PVT1: variants seen among roughly 807,000 people sequenced by gnomAD.
PVT1 encodes CXCR4/PVT1 fusion.
At chr8:127,865,056 C>G (rs1286082302) in intron 2 of PVT1, among the ~76,000 whole-genome samples, 1 of 152,210 alleles carries the variant, frequency 6.6e-6, no homozygotes, top group East Asian at 1.9e-4. Flanking sequence ...CACCAGTGTT[C>G]CAATCCCACA....
chr8:128,060,155 C>G (rs1195148073), intron 4 of PVT1, among the ~76,000 whole-genome samples: 1 of 152,236 alleles, frequency 6.6e-6, no homozygotes, highest in East Asian at 1.9e-4. Flanking sequence ...GCTGGGGAGG[C>G]TGAGGCAGGA....
intron 3 of PVT1, among the ~76,000 whole-genome samples, chr8:127,940,893 T>C (rs1816341745): frequency 6.6e-6 from 1 of 152,240 alleles, no homozygotes; most frequent in Admixed American, 6.5e-5. Flanking sequence ...TGAGCCACTA[T>C]GTCCGGCTCA....
At chr8:128,034,894 G>C (rs534118412) in intron 4 of PVT1, among the ~76,000 whole-genome samples, 6 of 152,308 alleles carry the variant, frequency 3.9e-5, no homozygotes, top group African/African-American at 1.2e-4. Flanking sequence ...CTTTGCCACA[G>C]TTTCCCCATC....
intron 3 of PVT1, among the ~76,000 whole-genome samples, chr8:127,957,350 C>T (rs1205062929): frequency 5.3e-5 from 8 of 152,044 alleles, no homozygotes; most frequent in Non-Finnish European, 1.0e-4. Context: ...GGGCAGATCA[C>T]GAGGTCAAGA....
chr8:128,095,706 T>A (rs895835154), intron 5 of PVT1, among the ~76,000 whole-genome samples: 2 of 152,238 alleles, frequency 1.3e-5, no homozygotes, highest in Admixed American at 6.5e-5. Flanking sequence ...ACTTTGTGGT[T>A]TCTGCTCTGA....
chr8:128,036,241 T>C (rs547765502), intron 4 of PVT1, among the ~76,000 whole-genome samples: 2 of 152,336 alleles, frequency 1.3e-5, no homozygotes, highest in South Asian at 4.1e-4. Flanking sequence ...TGATGTAACA[T>C]CATGATGTAA....
intron 2 of PVT1, among the ~76,000 whole-genome samples, chr8:127,873,543 G>A (rs996787813): frequency 1.2e-4 from 18 of 152,140 alleles, no homozygotes; most frequent in African/African-American, 4.3e-4. Flanking sequence ...GAGGGACCCG[G>A]CGTGCAATTT....
chr8:127,892,716 G>T (rs113218599), intron 3 of PVT1, among the ~76,000 whole-genome samples: 5 of 152,256 alleles, frequency 3.3e-5, no homozygotes, highest in African/African-American at 1.2e-4. Context: ...GCTGCAGCAG[G>T]TGCTGGGCTG....
rs137951270 is a variant in PVT1 at position 127,964,992 on chromosome 8, C to T, written n.783-24170C>T. 1.4e-4 allele frequency among the ~76,000 whole-genome samples: 21 copies of T among 152,150 alleles called. No individual in the cohort carries two copies. In the East Asian group the frequency reaches 3.5e-3, roughly 25 times the overall value. Reference sequence around the variant, plus strand: ...TTAACTTCATTACATCAGCAAAAGCCCTTTTCCCAAATAAGGTCATAGGCA... The same window carrying T: ...TTAACTTCATTACATCAGCAAAAGCTCTTTTCCCAAATAAGGTCATAGGCA... On this transcript the variant is annotated intron_variant and non_coding_transcript_variant, in intron 3 of 10. Transcript: ENST00000651587.
At chr8:127,981,324 G>A (rs74730278) in intron 3 of PVT1, among the ~76,000 whole-genome samples, 2,270 of 152,250 alleles carry the variant, frequency 0.015, 62 homozygotes, top group African/African-American at 0.053. Flanking sequence ...AGAGGTGCAG[G>A]GCATGTGACC....
At chr8:127,993,515 A>G (rs1017443700) in intron 4 of PVT1, among the ~76,000 whole-genome samples, 3 of 152,212 alleles carry the variant, frequency 2.0e-5, no homozygotes, top group African/African-American at 7.2e-5. Flanking sequence ...GGGGGGATTT[A>G]TTCTGTCTCC....
intron 4 of PVT1, among the ~76,000 whole-genome samples, chr8:128,021,290 C>CTTTTTTTTTTTTTTTTTTTTT (rs11438511): frequency 3.7e-5 from 3 of 81,138 alleles, no homozygotes; most frequent in African/African-American, 9.6e-5. Flanking sequence ...AGGACTTGTG[C>CTTTTTTTTTTTTTTTTTTTTT]TTTTTTTTTT....
At chr8:128,030,220 T>C (rs1402906589) in intron 4 of PVT1, among the ~76,000 whole-genome samples, 3 of 152,266 alleles carry the variant, frequency 2.0e-5, no homozygotes, top group Non-Finnish European at 4.4e-5. Context: ...ATTGCTAGTT[T>C]ATTACCATGT....
chr8:127,907,431 C>T (rs1460309793), intron 3 of PVT1, among the ~76,000 whole-genome samples: 1 of 152,312 alleles, frequency 6.6e-6, no homozygotes, highest in African/African-American at 2.4e-5. Flanking sequence ...CCTGATGGAA[C>T]TGACACGGGC....
At chr8:127,926,522 C>A (rs956503279) in intron 3 of PVT1, among the ~76,000 whole-genome samples, 1 of 152,252 alleles carries the variant, frequency 6.6e-6, no homozygotes, top group African/African-American at 2.4e-5. Flanking sequence ...CAAAGGGCTG[C>A]TCCTCCTTGT....
At chr8:128,016,164 G>A (rs1817371821) in intron 4 of PVT1, among the ~76,000 whole-genome samples, 3 of 151,974 alleles carry the variant, frequency 2.0e-5, no homozygotes, top group Admixed American at 6.6e-5. Context: ...TGTGGTCTCA[G>A]CTACTTAAGA....
chr8:128,025,449 G>A (rs751761266), intron 4 of PVT1, among the ~76,000 whole-genome samples: 1 of 152,100 alleles, frequency 6.6e-6, no homozygotes, highest in Non-Finnish European at 1.5e-5. Context: ...GTGCCTGAGA[G>A]CCCTGCACCA....
intron 5 of PVT1, among the ~76,000 whole-genome samples, chr8:128,087,805 T>A (rs1814278746): frequency 7.3e-6 from 1 of 136,490 alleles, no homozygotes; most frequent in Non-Finnish European, 1.5e-5. Flanking sequence ...CAGGCTGGAG[T>A]GCAGTGGAGC....
intron 4 of PVT1, among the ~76,000 whole-genome samples, chr8:128,016,120 A>G (rs1817371196): frequency 1.3e-5 from 2 of 152,160 alleles, no homozygotes; most frequent in African/African-American, 4.8e-5. Context: ...TCTATAAAAA[A>G]TACAAAAATT....
Sources: gnomAD v4.1 joint callset for allele counts (sites outside exome capture counted in the v4.1 genomes callset) on GRCh38, gnomAD v4.1.1 for gene constraint, MANE v1.5 for transcripts, NCBI Gene and HGNC (gene_info 2026-07-23, HGNC 2026-07-21) for gene names.